The following DEPDC5 variants were observed in gnomAD, a reference collection of about 807,000 sequenced individuals.
The protein encoded by DEPDC5 is GATOR1 complex protein DEPDC5.
In DEPDC5, 73 loss-of-function variants were observed where a neutral mutation model predicts 217.3. The ratio of observed to expected loss-of-function variants is 0.34; its 90% CI spans 0.28 to 0.41. The LOEUF (loss-of-function observed/expected upper bound fraction) is 0.41. Ranked by LOEUF, DEPDC5 falls within the 10% of genes least tolerant of loss-of-function variation. DEPDC5 has a pLI of 1.00. For synonymous variants in DEPDC5, 733 were observed against 756.7 expected, an observed-to-expected ratio of 0.97 and a Z score of 0.51; for missense variants, 1,675 against 2,070.1, an observed-to-expected ratio of 0.81 and a Z score of 3.70.
chr22:31,899,976 A>G (rs2093620677), intron 40 of DEPDC5, among the ~76,000 whole-genome samples: 1 of 152,186 alleles, frequency 6.6e-6, no homozygotes, highest in African/African-American at 2.4e-5. Context: ...AAAGTGGGTT[A>G]TGGAGGAGCG....
intron 10 of DEPDC5, among the ~76,000 whole-genome samples, chr22:31,786,274 A>G (rs1373013828): frequency 1.3e-5 from 2 of 151,158 alleles, no homozygotes; most frequent in African/African-American, 4.9e-5. Context: ...ATAAATAAAG[A>G]GCTAAAATTA....
At chr22:31,829,565 C>A (rs958452965) in intron 24 of DEPDC5, among the ~76,000 whole-genome samples, 3 of 152,068 alleles carry the variant, frequency 2.0e-5, no homozygotes, top group African/African-American at 7.2e-5. Flanking sequence ...AAAATCCAAA[C>A]AGAGAAACCT....
intron 7 of DEPDC5, among the ~76,000 whole-genome samples, chr22:31,771,715 T>TCACTCACACACA (rs1439519983): frequency 2.6e-5 from 2 of 78,050 alleles, no homozygotes; most frequent in Non-Finnish European, 4.8e-5. Flanking sequence ...CAAGACTCCG[T>TCACTCACACACA]CACACACACA....
At chr22:31,905,316 G>A (rs2093737090) in intron 41 of DEPDC5, among the ~76,000 whole-genome samples, 1 of 150,940 alleles carries the variant, frequency 6.6e-6, no homozygotes, top group Admixed American at 6.6e-5. Context: ...GAACAATCCT[G>A]GCTAATACAA....
intron 33 of DEPDC5, among the ~76,000 whole-genome samples, chr22:31,864,688 T>C (rs957577006): frequency 2.0e-5 from 3 of 151,478 alleles, no homozygotes; most frequent in African/African-American, 7.3e-5. Context: ...GCCAAAGTAC[T>C]GGGATCTCAC....
At chr22:31,809,550 C>T in intron 18 of DEPDC5, 61 bp from the exon 19 acceptor site, 1 of 1,587,188 alleles carries the variant, frequency 6.3e-7, no homozygotes, top group South Asian at 1.1e-5. Context: ...TATACTGTGC[C>T]TTGTGATAAG....
chr22:31,761,940 C>T (rs2082423301), intron 4 of DEPDC5, among the ~76,000 whole-genome samples: 1 of 148,878 alleles, frequency 6.7e-6, no homozygotes, highest in African/African-American at 2.5e-5. Flanking sequence ...TGCACTCCAG[C>T]CTGGGCGACA....
Position 31,845,008 on chromosome 22 carries a change from G to A in DEPDC5, c.2802-10G>A. The A allele has an allele frequency of 6.2e-7, 1 of 1,613,918 alleles. No homozygotes were observed. Among genetic ancestry groups the A allele is most frequent in the South Asian group, 1.1e-5 (1 of 91,082 alleles). On this transcript the variant is annotated splice_polypyrimidine_tract_variant and intron_variant, in intron 29 of 42. Transcript: ENST00000651528. Reference sequence around the variant, plus strand: ...CTCACCACCACCCTGTGTTTTCCTTGCCCCCTTAGCTTAATTGAGTCCCTG... The same window carrying A: ...CTCACCACCACCCTGTGTTTTCCTTACCCCCTTAGCTTAATTGAGTCCCTG...
intron 20 of DEPDC5, among the ~76,000 whole-genome samples, chr22:31,812,420 C>CTTTTTT (rs57618137): frequency 9.7e-4 from 95 of 98,268 alleles, no homozygotes; most frequent in Non-Finnish European, 1.1e-3. Flanking sequence ...TTCCATATTT[C>CTTTTTT]TTTTTTTTTT....
At chr22:31,768,301 G>A (rs1412444288) in intron 6 of DEPDC5, among the ~76,000 whole-genome samples, 1 of 151,502 alleles carries the variant, frequency 6.6e-6, no homozygotes, top group Admixed American at 6.6e-5. Context: ...TCTCATTTGA[G>A]GTTTTTTTTT....
chr22:31,856,517 A>T (rs181628831), intron 31 of DEPDC5, among the ~76,000 whole-genome samples: 4 of 152,332 alleles, frequency 2.6e-5, no homozygotes, highest in Admixed American at 2.6e-4. Context: ...ATCTAAAATA[A>T]AGTGTAGTTA....
Position 31,770,407 on chromosome 22 carries a change from G to C in DEPDC5, c.413+1544G>C, listed in dbSNP as rs977818038. 5.3e-5 allele frequency among the ~76,000 whole-genome samples: 8 copies of C among 150,964 alleles called. No individual in the cohort carries two copies. The Middle Eastern group carries it at 0.01, about 193-fold the overall frequency. ...TTTGTTTTTTTTTTTCTGAGACAGAGTCTTGCTCTGTCACCCAGGCTGGAG... is the reference window on the plus strand; with the variant it reads ...TTTGTTTTTTTTTTTCTGAGACAGACTCTTGCTCTGTCACCCAGGCTGGAG... On this transcript the variant is annotated intron_variant, in intron 7 of 42. Transcript: ENST00000651528.
chr22:31,778,181 A>C lies in DEPDC5; in HGVS notation c.483+13A>C. Reference sequence around the variant, plus strand: ...TGAAGATACCAGGGTAAGATTTATAAAATGCTTTTTTGGTTTTATCTCTCC... The same window carrying C: ...TGAAGATACCAGGGTAAGATTTATACAATGCTTTTTTGGTTTTATCTCTCC... On this transcript the variant is annotated intron_variant, in intron 8 of 42. Transcript: ENST00000651528. 1.2e-6 allele frequency: 2 copies of C among 1,613,818 alleles called. No individual in the cohort carries two copies. Among genetic ancestry groups the C allele is most frequent in the Non-Finnish European group, 1.7e-6 (2 of 1,179,714 alleles).
chr22:31,820,070 T>A (rs567546562), intron 22 of DEPDC5, among the ~76,000 whole-genome samples: 1 of 152,172 alleles, frequency 6.6e-6, no homozygotes, highest in Non-Finnish European at 1.5e-5. Flanking sequence ...TAATGGGCTC[T>A]TATTGAGCTG....
At chr22:31,820,112 T>TTGTG (rs3069112) in intron 22 of DEPDC5, among the ~76,000 whole-genome samples, 4,269 of 151,474 alleles carry the variant, frequency 0.028, 82 homozygotes, top group African/African-American at 0.052. Context: ...CTCCAGGATT[T>TTGTG]TGTGTGTGTG....
chr22:31,844,551 C>T (rs1272999620), intron 29 of DEPDC5, among the ~76,000 whole-genome samples: 2 of 152,038 alleles, frequency 1.3e-5, no homozygotes, highest in African/African-American at 4.8e-5. Context: ...TGGCTGGTAG[C>T]TTTGTGACGC....
chr22:31,784,103 T>C, intron 9 of DEPDC5, 118 bp downstream of exon 9: 1 of 774,300 alleles, frequency 1.3e-6, no homozygotes, highest in South Asian at 2.0e-5. Flanking sequence ...TTAAATATCA[T>C]TGTGAGAATA....
intron 38 of DEPDC5, among the ~76,000 whole-genome samples, chr22:31,886,163 A>T (rs2093307269): frequency 6.6e-6 from 1 of 152,072 alleles, no homozygotes; most frequent in South Asian, 2.1e-4. Flanking sequence ...CTGGGACTGC[A>T]GGTGCACACC....
At chr22:31,785,608 C>A in intron 10 of DEPDC5, among the ~76,000 whole-genome samples, 1 of 148,472 alleles carries the variant, frequency 6.7e-6, no homozygotes, top group South Asian at 2.1e-4. Flanking sequence ...TTTTCTGATC[C>A]TAAAATTTAT....
Sources: gnomAD v4.1 joint callset for allele counts (sites outside exome capture counted in the v4.1 genomes callset) on GRCh38, gnomAD v4.1.1 for gene constraint, MANE v1.5 for transcripts, NCBI Gene and HGNC (gene_info 2026-07-23, HGNC 2026-07-21) for gene names.